CLSTN2: variants seen among roughly 807,000 people sequenced by gnomAD.
The protein encoded by CLSTN2 is calsyntenin-2.
Under a neutral mutation model 101.2 loss-of-function variants are expected in CLSTN2, and 48 were observed. That is an observed-to-expected ratio of 0.47 (90% CI 0.38 to 0.60). CLSTN2 has a LOEUF of 0.60. Ranked by LOEUF, CLSTN2 falls within the 20% of genes least tolerant of loss-of-function variation. CLSTN2 has a pLI of 0.00. For synonymous variants in CLSTN2, 481 were observed against 463.6 expected (o/e 1.04, Z -0.48); for missense variants, 1,160 against 1,238.2 (o/e 0.94, Z 0.95).
intron 2 of CLSTN2, among the ~76,000 whole-genome samples, chr3:140,265,781 GAAT>G (rs1225249473): frequency 6.6e-6 from 1 of 152,274 alleles, no homozygotes; most frequent in East Asian, 1.9e-4. Flanking sequence ...AAGTCAGCAA[GAAT>G]ATTACATATC....
chr3:140,159,360 G>C (rs1237925649), intron 1 of CLSTN2, among the ~76,000 whole-genome samples: 1 of 152,004 alleles, frequency 6.6e-6, no homozygotes, highest in Non-Finnish European at 1.5e-5. Flanking sequence ...AATAGACCAA[G>C]GACATGAACA....
At chr3:140,536,800 G>C (rs1935367690) in intron 9 of CLSTN2, among the ~76,000 whole-genome samples, 1 of 152,152 alleles carries the variant, frequency 6.6e-6, no homozygotes, top group Non-Finnish European at 1.5e-5. Flanking sequence ...AGGGAAGTTT[G>C]GCATCCGTGT....
At chr3:140,419,034 T>TAAAAAA (rs150492676) in intron 4 of CLSTN2, among the ~76,000 whole-genome samples, 7 of 150,832 alleles carry the variant, frequency 4.6e-5, no homozygotes, top group African/African-American at 1.5e-4. Flanking sequence ...GACCTTTTTT[T>TAAAAAA]AAAAAAAAAA....
At chr3:139,940,454 T>C (rs1935106321) in intron 1 of CLSTN2, among the ~76,000 whole-genome samples, 1 of 152,160 alleles carries the variant, frequency 6.6e-6, no homozygotes, top group Non-Finnish European at 1.5e-5. Flanking sequence ...TAGCCCAGTT[T>C]GGGGCATGTA....
chr3:140,224,271 A>G (rs2086300341), intron 2 of CLSTN2, among the ~76,000 whole-genome samples: 2 of 152,228 alleles, frequency 1.3e-5, no homozygotes, highest in Admixed American at 1.3e-4. Context: ...TCTCATCTAC[A>G]GAAGACAGTA....
At chr3:140,547,173 G>A (rs1381144563) in intron 10 of CLSTN2, among the ~76,000 whole-genome samples, 1 of 152,176 alleles carries the variant, frequency 6.6e-6, no homozygotes, top group African/African-American at 2.4e-5. Context: ...TCACTTCAAG[G>A]CACAAGAAAC....
At chr3:140,538,569 T>C (rs759813096) in intron 9 of CLSTN2, among the ~76,000 whole-genome samples, 1 of 152,244 alleles carries the variant, frequency 6.6e-6, no homozygotes, top group African/African-American at 2.4e-5. Flanking sequence ...CCTGAGATCA[T>C]GTGGTTGCAC....
intron 2 of CLSTN2, among the ~76,000 whole-genome samples, chr3:140,400,625 G>A (rs991312596): frequency 1.1e-4 from 17 of 152,110 alleles, no homozygotes; most frequent in African/African-American, 4.1e-4. Context: ...CTTGAGCTCC[G>A]GAGTTTGAGG....
intron 2 of CLSTN2, among the ~76,000 whole-genome samples, chr3:140,393,227 T>G (rs2088138881): frequency 6.6e-6 from 1 of 152,116 alleles, no homozygotes; most frequent in Non-Finnish European, 1.5e-5. Context: ...GGTTCAACTT[T>G]GGGGCCCCAT....
intron 1 of CLSTN2, among the ~76,000 whole-genome samples, chr3:139,991,206 G>C (rs563889080): frequency 6.6e-6 from 1 of 152,314 alleles, no homozygotes; most frequent in South Asian, 2.1e-4. Context: ...CTTGAATGCA[G>C]TGCTATTTTA....
intron 1 of CLSTN2, among the ~76,000 whole-genome samples, chr3:140,140,990 G>T (rs1031290155): frequency 2.0e-5 from 3 of 152,200 alleles, no homozygotes; most frequent in African/African-American, 7.2e-5. Flanking sequence ...TAGCAATAGG[G>T]ACTGATCAAG....
At chr3:140,451,944 T>C (rs1447577218) in intron 6 of CLSTN2, among the ~76,000 whole-genome samples, 1 of 152,192 alleles carries the variant, frequency 6.6e-6, no homozygotes, top group African/African-American at 2.4e-5. Flanking sequence ...AAGCAAGAGA[T>C]AATGAGTTCT....
chr3:140,544,410 A>G (rs1242538573), intron 9 of CLSTN2, among the ~76,000 whole-genome samples: 1 of 152,218 alleles, frequency 6.6e-6, no homozygotes. Flanking sequence ...AGTGTGCAAG[A>G]GGCCCAACCC....
chr3:140,340,437 A>T (rs570043382), intron 2 of CLSTN2, among the ~76,000 whole-genome samples: 14 of 152,368 alleles, frequency 9.2e-5, no homozygotes, highest in African/African-American at 3.1e-4. Flanking sequence ...GAATGATTGT[A>T]TATGCAAAGA....
intron 1 of CLSTN2, among the ~76,000 whole-genome samples, chr3:139,942,212 C>T (rs1243857235): frequency 1.3e-5 from 2 of 152,152 alleles, no homozygotes; most frequent in Non-Finnish European, 2.9e-5. Flanking sequence ...CTGAAAGAAT[C>T]GGTTTCCCTG....
At chr3:140,337,820 G>A (rs978382729) in intron 2 of CLSTN2, among the ~76,000 whole-genome samples, 2 of 152,176 alleles carry the variant, frequency 1.3e-5, no homozygotes, top group Non-Finnish European at 2.9e-5. Context: ...GAAGTCTTTG[G>A]ATACTAATTG....
intron 8 of CLSTN2, among the ~76,000 whole-genome samples, chr3:140,515,594 T>C (rs1934902726): frequency 6.6e-6 from 1 of 152,208 alleles, no homozygotes; most frequent in Non-Finnish European, 1.5e-5. Context: ...TCAAAATTTT[T>C]TTTAATTTTC....
At chr3:140,043,629 G>A (rs2007806272) in intron 1 of CLSTN2, among the ~76,000 whole-genome samples, 1 of 152,142 alleles carries the variant, frequency 6.6e-6, no homozygotes, top group East Asian at 1.9e-4. Context: ...TATTGCCTAG[G>A]TTTTCTTCTA....
At chr3:140,349,063 C>T (rs2107941420) in intron 2 of CLSTN2, among the ~76,000 whole-genome samples, 1 of 152,264 alleles carries the variant, frequency 6.6e-6, no homozygotes, top group Non-Finnish European at 1.5e-5. Flanking sequence ...GGGGGTGGTT[C>T]CCCCATTCTG....
Sources: gnomAD v4.1 joint callset for allele counts (sites outside exome capture counted in the v4.1 genomes callset) on GRCh38, gnomAD v4.1.1 for gene constraint, MANE v1.5 for transcripts, NCBI Gene and HGNC (gene_info 2026-07-23, HGNC 2026-07-21) for gene names.